CDH6: variants seen among roughly 807,000 people sequenced by gnomAD.
The protein encoded by CDH6 is cadherin-6.
Under a neutral mutation model 78.0 loss-of-function variants are expected in CDH6, and 31 were observed. The ratio of observed to expected loss-of-function variants is 0.40; its 90% CI spans 0.30 to 0.54. The LOEUF is 0.54. Among genes scored for constraint, CDH6 ranks in the 20% least tolerant of loss-of-function variants. CDH6 has a pLI of 0.56. For synonymous variants in CDH6, 376 were observed against 368.8 expected (o/e 1.02, Z -0.23); for missense variants, 724 against 975.9 (o/e 0.74, Z 3.44).
chr5:31,263,893 G>A (rs1023854002), intron 1 of CDH6, among the ~76,000 whole-genome samples: 1 of 152,178 alleles, frequency 6.6e-6, no homozygotes, highest in Non-Finnish European at 1.5e-5. Flanking sequence ...AAATTACTAA[G>A]TTAAAGCTAG....
intron 3 of CDH6, among the ~76,000 whole-genome samples, chr5:31,295,548 T>A (rs1737560301): frequency 6.6e-6 from 1 of 152,170 alleles, no homozygotes; most frequent in Non-Finnish European, 1.5e-5. Flanking sequence ...AAAGGCTTTT[T>A]TCAGTTTGCA....
rs963081377 is a variant in CDH6, at chr5:31,323,273, A to G, written c.2338A>G (p.Met780Val). 2 of 1,614,014 alleles carry G rather than the reference A, an allele frequency of 1.2e-6. No homozygotes were observed. The highest frequency in any genetic ancestry group is 1.7e-6 in the Non-Finnish European group (2 of 1,179,876). The change falls in exon 12 of 12, where the codon ATG (methionine) becomes GTG (valine). Residue 780 changes from methionine to valine, a missense_variant. Met to Val is a conservative substitution (Grantham distance 21). Around this residue, in one of 3 missense-constraint regions of CDH6, gnomAD observed 220 missense variants for 240.6 expected, o/e 0.91. Coordinates refer to ENST00000265071, the MANE Select transcript of CDH6 (RefSeq NM_004932.4). ...WGPRFKKLAD[M>V]YGGVDSDKDS ...ACCTCGATTCAAAAAGCTTGCAGAT[A>G]TGTATGGAGGAGTGGACAGTGACAA...
At chr5:31,258,069 G>A (rs1742104271) in intron 1 of CDH6, among the ~76,000 whole-genome samples, 1 of 152,098 alleles carries the variant, frequency 6.6e-6, no homozygotes, top group Admixed American at 6.5e-5. Context: ...CATTGTGGAA[G>A]ACAATGTGGC....
rs1393891685 is a variant in CDH6 at position 31,217,960 on chromosome 5, GC to G, written c.-129+24075del. Among the ~76,000 whole-genome samples the G allele has an allele frequency of 1.1e-4, 16 of 152,214 alleles. No individual in the cohort carries two copies. In the South Asian group the frequency reaches 3.1e-3, roughly 30 times the overall value. On this transcript the variant is annotated intron_variant, in intron 1 of 11. Transcript: ENST00000265071. ...AAAATTGAATGTAAGTACAGATGAAGCTAAAATTCGATATTTAGTAGTTTTC... is the reference window on the plus strand; with the variant it reads ...AAAATTGAATGTAAGTACAGATGAAGTAAAATTCGATATTTAGTAGTTTTC...
intron 1 of CDH6, among the ~76,000 whole-genome samples, chr5:31,219,685 T>C (rs1740957701): frequency 6.6e-6 from 1 of 152,198 alleles, no homozygotes; most frequent in African/African-American, 2.4e-5. Flanking sequence ...TTTCCCCTGA[T>C]GGATTCCAAG....
rs571239266 is a variant in CDH6, at chr5:31,268,926, C to G, written c.228+1225C>G. 2.0e-4 allele frequency among the ~76,000 whole-genome samples: 30 copies of G among 152,246 alleles called. No individual in the cohort carries two copies. In the South Asian group the frequency reaches 6.0e-3, roughly 31 times the overall value. ...AGAATAAAGTAAGAGAGGAAGTATTCAGTGAAGGGGTGAACGTCAACACAG... is the reference window on the plus strand; with the variant it reads ...AGAATAAAGTAAGAGAGGAAGTATTGAGTGAAGGGGTGAACGTCAACACAG... On this transcript the variant is annotated intron_variant, in intron 2 of 11. Coordinates refer to ENST00000265071, the MANE Select transcript of CDH6 (RefSeq NM_004932.4).
At chr5:31,296,727 G>A (rs947531954) in intron 3 of CDH6, among the ~76,000 whole-genome samples, 2 of 152,108 alleles carry the variant, frequency 1.3e-5, no homozygotes, top group Non-Finnish European at 2.9e-5. Context: ...AAAGTAAAGC[G>A]GGCTTTGGAC....
rs1161953307 is a variant in CDH6, at chr5:31,302,781, AG to A, written c.999+484del. The stretch of plus-strand genomic sequence containing the variant: ...AGAAAGAAAGAAAGAAAGAAGAAAG[AG>A]AGAGAGAGAGAGAGAGAGAAAGAAA... On this transcript the variant is annotated intron_variant, in intron 6 of 11. Transcript: ENST00000265071. 6.5e-4 allele frequency among the ~76,000 whole-genome samples: 37 copies of A among 57,168 alleles called. 1 individual carries two copies. Among genetic ancestry groups the A allele is most frequent in the African/African-American group, 9.6e-4 (15 of 15,584 alleles). The allele number at this position is 57,168 out of a possible 152,430, so 37.5% of individuals were successfully genotyped here.
At chr5:31,236,911 G>A (rs1741468802) in intron 1 of CDH6, among the ~76,000 whole-genome samples, 1 of 152,160 alleles carries the variant, frequency 6.6e-6, no homozygotes, top group African/African-American at 2.4e-5. Flanking sequence ...TGCTTGGGGA[G>A]TGCTGTGGAA....
chr5:31,207,469 C>A (rs1740562998), intron 1 of CDH6, among the ~76,000 whole-genome samples: 1 of 152,192 alleles, frequency 6.6e-6, no homozygotes, highest in Non-Finnish European at 1.5e-5. Context: ...CTATCTGACT[C>A]TTAGCTTAGA....
chr5:31,212,355 A>T (rs947450904), intron 1 of CDH6, among the ~76,000 whole-genome samples: 2 of 152,104 alleles, frequency 1.3e-5, no homozygotes, highest in Non-Finnish European at 2.9e-5. Context: ...TTTTTAAAAA[A>T]TTTTTCATTA....
intron 1 of CDH6, among the ~76,000 whole-genome samples, chr5:31,202,409 C>T (rs537914329): frequency 3.3e-5 from 5 of 152,122 alleles, no homozygotes; most frequent in Admixed American, 2.6e-4. Flanking sequence ...CCAAGGCAGG[C>T]GGATCAACTG....
intron 1 of CDH6, among the ~76,000 whole-genome samples, chr5:31,201,872 A>T (rs1381116551): frequency 6.6e-6 from 1 of 152,194 alleles, no homozygotes; most frequent in Non-Finnish European, 1.5e-5. Context: ...ATTAAAACTT[A>T]CAGAGATTAA....
chr5:31,313,238 CA>C, intron 7 of CDH6, 79 bp from the exon 8 acceptor site: 2 of 1,288,786 alleles, frequency 1.6e-6, no homozygotes, highest in Non-Finnish European at 2.2e-6. Context: ...TGATGTGTAC[CA>C]GATGTTTTAT....
intron 1 of CDH6, among the ~76,000 whole-genome samples, chr5:31,262,418 A>C (rs1342416201): frequency 1.3e-5 from 2 of 152,232 alleles, no homozygotes. Flanking sequence ...ATTTCCGAGC[A>C]TACAAACGAT....
At chr5:31,227,302 G>A (rs1561031995) in intron 1 of CDH6, among the ~76,000 whole-genome samples, 1 of 152,096 alleles carries the variant, frequency 6.6e-6, no homozygotes, top group African/African-American at 2.4e-5. Context: ...GGTGGACGTG[G>A]AAGACAATCT....
chr5:31,327,961 C>T lies in CDH6; in HGVS notation c.*4653C>T, dbSNP rs1738653753. On this transcript the variant is annotated 3_prime_UTR_variant, in exon 12 of 12. Transcript: ENST00000265071. ...TTGCTGAGACAATCTTTAATCTACT[C>T]CCCTTTTTGTAATACCTTATTTATG... 4.7e-6 allele frequency: 1 copy of T among 214,400 alleles called. No individual in the cohort carries two copies. 13.3% of individuals were successfully genotyped at this position (214,400 alleles called of 1,614,324 possible).
intron 1 of CDH6, among the ~76,000 whole-genome samples, chr5:31,247,672 T>A (rs1161729076): frequency 6.6e-6 from 1 of 152,246 alleles, no homozygotes; most frequent in African/African-American, 2.4e-5. Flanking sequence ...AAGTGATGAT[T>A]CATTCTGTTT....
intron 1 of CDH6, among the ~76,000 whole-genome samples, chr5:31,232,486 A>G (rs1741339759): frequency 6.6e-6 from 1 of 152,188 alleles, no homozygotes; most frequent in Non-Finnish European, 1.5e-5. Context: ...TCAAGTGGAC[A>G]TACGTTTAAT....
Sources: allele counts gnomAD v4.1 joint callset (sites outside exome capture counted in the v4.1 genomes callset), GRCh38; gene constraint gnomAD v4.1.1; regional missense constraint gnomAD v4.1.1; transcripts MANE v1.5; gene names NCBI Gene and HGNC (gene_info 2026-07-23, HGNC 2026-07-21).